Variants in MAML2 observed in about 807,000 individuals in gnomAD.
MAML2 encodes the protein mastermind-like protein 2.
MAML2 carries 22 observed loss-of-function variants against 96.1 expected under a neutral mutation model. The observed-to-expected ratio is 0.23, with a 90% CI of 0.16 to 0.33. The LOEUF is 0.33. Ranked by LOEUF, MAML2 falls within the 10% of genes least tolerant of loss-of-function variation. The pLI is 1.00. For missense variants in MAML2, 1,367 were observed against 1,392.4 expected (o/e 0.98, Z 0.29); for synonymous variants, 561 against 521.3 (o/e 1.08, Z -1.04).
intron 1 of MAML2, among the ~76,000 whole-genome samples, chr11:96,276,468 A>G (rs963063965): frequency 6.6e-6 from 1 of 152,216 alleles, no homozygotes; most frequent in African/African-American, 2.4e-5. Context: ...AGAGGACCGC[A>G]TTTAAGGAAA....
Position 95,978,827 on chromosome 11 carries a change from A to G in MAML2, c.*121T>C. On this transcript the variant is annotated 3_prime_UTR_variant, in exon 5 of 5. Coordinates refer to ENST00000524717, the MANE Select transcript of MAML2 (RefSeq NM_032427.4). ...TCACTGCAGTTACTTTCTGCTTTCCATTTTTAAGCATGTTATCTTCATGTA... is the reference window on the plus strand; with the variant it reads ...TCACTGCAGTTACTTTCTGCTTTCCGTTTTTAAGCATGTTATCTTCATGTA... 1.0e-6 allele frequency: 1 copy of G among 963,168 alleles called. No individual in the cohort carries two copies. Among genetic ancestry groups the G allele is most frequent in the South Asian group, 1.8e-5 (1 of 54,210 alleles). The allele number at this position is 963,168 out of a possible 1,614,324, so 59.7% of individuals were successfully genotyped here.
chr11:96,101,836 C>A (rs1235499691), intron 1 of MAML2, among the ~76,000 whole-genome samples: 1 of 152,172 alleles, frequency 6.6e-6, no homozygotes, highest in South Asian at 2.1e-4. Context: ...TTTTTCTCCT[C>A]ATCTGTAACA....
At chr11:96,049,397 T>C (rs1416745384) in intron 2 of MAML2, among the ~76,000 whole-genome samples, 1 of 152,202 alleles carries the variant, frequency 6.6e-6, no homozygotes, top group East Asian at 1.9e-4. Flanking sequence ...GTCCCTTTTC[T>C]TTTTTTGACA....
intron 3 of MAML2, among the ~76,000 whole-genome samples, chr11:95,989,126 G>A (rs1857871289): frequency 6.6e-6 from 1 of 152,208 alleles, no homozygotes; most frequent in Admixed American, 6.5e-5. Context: ...TCATTGGTAG[G>A]AGAATAATAG....
chr11:96,328,121 A>C (rs151186203), intron 1 of MAML2, among the ~76,000 whole-genome samples: 114 of 152,128 alleles, frequency 7.5e-4, no homozygotes, highest in Middle Eastern at 3.4e-3. Context: ...ATCAAAAACA[A>C]AGCGCATATG....
intron 1 of MAML2, among the ~76,000 whole-genome samples, chr11:96,148,596 T>C (rs989468029): frequency 0.049 from 4 of 82 alleles, no homozygotes. Context: ...CCTGAAATGT[T>C]GGGGATCAAT....
At chr11:96,078,514 C>A (rs3802766) in intron 2 of MAML2, among the ~76,000 whole-genome samples, 1 of 151,846 alleles carries the variant, frequency 6.6e-6, no homozygotes, top group Non-Finnish European at 1.5e-5. Context: ...AAATCAGAGA[C>A]GGTTCAGAGA....
intron 1 of MAML2, among the ~76,000 whole-genome samples, chr11:96,299,278 A>T (rs1480448716): frequency 1.3e-5 from 2 of 150,752 alleles, no homozygotes; most frequent in African/African-American, 4.9e-5. Flanking sequence ...ACAAGTTAAA[A>T]CATCATAAAA....
At chr11:96,128,044 C>A (rs1032517205) in intron 1 of MAML2, among the ~76,000 whole-genome samples, 15 of 152,138 alleles carry the variant, frequency 9.9e-5, no homozygotes, top group African/African-American at 3.4e-4. Context: ...TCTGATTCAG[C>A]AGGTACAGGA....
chr11:96,077,783 C>T (rs963435052), intron 2 of MAML2, among the ~76,000 whole-genome samples: 1 of 152,170 alleles, frequency 6.6e-6, no homozygotes, highest in African/African-American at 2.4e-5. Context: ...GTGGTGGGCC[C>T]TGCCTTGCCT....
intron 1 of MAML2, among the ~76,000 whole-genome samples, chr11:96,218,849 ACTGAAAG>A (rs1862090340): frequency 6.6e-6 from 1 of 152,254 alleles, no homozygotes; most frequent in Non-Finnish European, 1.5e-5. Context: ...ACATACTTGT[ACTGAAAG>A]ATAATTCATT....
At chr11:96,228,892 C>T (rs1029939321) in intron 1 of MAML2, among the ~76,000 whole-genome samples, 3 of 152,012 alleles carry the variant, frequency 2.0e-5, no homozygotes, top group East Asian at 3.9e-4. Flanking sequence ...TCTATGTTCA[C>T]GCGGTCTCTT....
chr11:96,340,064 G>A (rs2136023444), intron 1 of MAML2, among the ~76,000 whole-genome samples: 1 of 152,266 alleles, frequency 6.6e-6, no homozygotes, highest in Admixed American at 6.5e-5. Flanking sequence ...ATGTGCTTAT[G>A]GCTGGGGAGA....
chr11:96,155,725 C>T (rs1286622912), intron 1 of MAML2, among the ~76,000 whole-genome samples: 1 of 151,486 alleles, frequency 6.6e-6, no homozygotes. Context: ...TGCCCCGCCC[C>T]TCCTGCTCTC....
chr11:96,036,186 C>T (rs920631566), intron 2 of MAML2, among the ~76,000 whole-genome samples: 1 of 152,072 alleles, frequency 6.6e-6, no homozygotes, highest in Non-Finnish European at 1.5e-5. Flanking sequence ...CAGAAAATCT[C>T]TCATCTAATG....
chr11:96,269,742 G>A (rs552456058), intron 1 of MAML2, among the ~76,000 whole-genome samples: 7 of 143,778 alleles, frequency 4.9e-5, no homozygotes, highest in South Asian at 2.2e-4. Context: ...AACTCCTGAC[G>A]TCAAGCGATC....
intron 1 of MAML2, among the ~76,000 whole-genome samples, chr11:96,259,281 T>C (rs1862714160): frequency 6.6e-6 from 1 of 152,188 alleles, no homozygotes; most frequent in South Asian, 2.1e-4. Flanking sequence ...CTGAAAAGCA[T>C]GTGTTGATAG....
intron 1 of MAML2, among the ~76,000 whole-genome samples, chr11:96,246,771 A>G (rs890454496): frequency 6.6e-6 from 1 of 152,084 alleles, no homozygotes; most frequent in Admixed American, 6.6e-5. Flanking sequence ...ACCCATGTTG[A>G]CTGTTCAATG....
chr11:96,269,197 T>C lies in MAML2; in HGVS notation c.513+72186A>G, dbSNP rs1862875543. 1.4e-5 allele frequency among the ~76,000 whole-genome samples: 2 copies of C among 144,730 alleles called. 1 individual carries two copies. The highest frequency in any genetic ancestry group is 3.0e-5 in the Non-Finnish European group (2 of 66,854). 94.9% of individuals were successfully genotyped at this position (144,730 alleles called of 152,430 possible). On this transcript the variant is annotated intron_variant, in intron 1 of 4. Transcript: ENST00000524717. ...AAGATGATTAAGACGGATGACTTCATGGTGGGCATACTGCATCAGGTAAGG... is the reference window on the plus strand; with the variant it reads ...AAGATGATTAAGACGGATGACTTCACGGTGGGCATACTGCATCAGGTAAGG...
Sources: allele counts gnomAD v4.1 joint callset (sites outside exome capture counted in the v4.1 genomes callset), GRCh38; gene constraint gnomAD v4.1.1; transcripts MANE v1.5; gene names NCBI Gene and HGNC (gene_info 2026-07-23, HGNC 2026-07-21).